The following RBFOX1 variants were observed in gnomAD, a reference collection of about 807,000 sequenced individuals.
RBFOX1 encodes the protein RNA binding fox-1 homolog 1.
A neutral mutation model predicts 57.7 loss-of-function variants in RBFOX1; 8 were observed. The ratio of observed to expected loss-of-function variants is 0.14; its 90% CI spans 0.08 to 0.25. The LOEUF (loss-of-function observed/expected upper bound fraction) is 0.25. Ranked by LOEUF, RBFOX1 falls within the 10% of genes least tolerant of loss-of-function variation. The probability of loss-of-function intolerance (pLI) is 1.00; values close to 1 mark genes in which losing one functional copy is unlikely to be tolerated. For missense variants in RBFOX1, 611 were observed against 548.5 expected (o/e 1.11, Z -1.14); for synonymous variants, 326 against 222.4 (o/e 1.47, Z -4.15).
At chr16:6,376,663 T>C (rs1218177559) in intron 2 of RBFOX1, among the ~76,000 whole-genome samples, 1 of 152,154 alleles carries the variant, frequency 6.6e-6, no homozygotes, top group Admixed American at 6.6e-5. Context: ...AGGGCCCAAC[T>C]AATGGTTTCA....
intron 1 of RBFOX1, among the ~76,000 whole-genome samples, chr16:6,310,600 G>T (rs1296475254): frequency 6.6e-6 from 1 of 152,144 alleles, no homozygotes; most frequent in Non-Finnish European, 1.5e-5. Context: ...CAAGCAGCTT[G>T]CCCAGAACTA....
At chr16:6,918,383 T>C (rs2073728302) in intron 3 of RBFOX1, among the ~76,000 whole-genome samples, 1 of 152,042 alleles carries the variant, frequency 6.6e-6, no homozygotes, top group South Asian at 2.1e-4. Context: ...TTTAACAAGC[T>C]ACCCGGGTGA....
intron 3 of RBFOX1, among the ~76,000 whole-genome samples, chr16:5,620,385 T>A (rs942355261): frequency 3.9e-5 from 6 of 152,216 alleles, no homozygotes; most frequent in African/African-American, 1.4e-4. Flanking sequence ...TGAGGTTGGC[T>A]GAGTACTTTC....
chr16:5,532,998 C>A (rs969241307), intron 2 of RBFOX1, among the ~76,000 whole-genome samples: 4 of 152,076 alleles, frequency 2.6e-5, no homozygotes, highest in Admixed American at 2.6e-4. Flanking sequence ...ATAAATTATA[C>A]CCTCCTAATT....
intron 4 of RBFOX1, among the ~76,000 whole-genome samples, chr16:5,905,279 C>T (rs868500380): frequency 6.6e-4 from 100 of 151,748 alleles, no homozygotes; most frequent in African/African-American, 2.3e-3. Flanking sequence ...TCTAGAACTC[C>T]GGACCTCAGG....
At chr16:5,729,231 G>A (rs1012789478) in intron 3 of RBFOX1, among the ~76,000 whole-genome samples, 10 of 152,170 alleles carry the variant, frequency 6.6e-5, no homozygotes, top group African/African-American at 2.2e-4. Context: ...TCAGATAGGG[G>A]TATGAACATG....
At chr16:6,968,217 GC>G (rs1336154390) in intron 3 of RBFOX1, among the ~76,000 whole-genome samples, 1 of 152,202 alleles carries the variant, frequency 6.6e-6, no homozygotes, top group Non-Finnish European at 1.5e-5. Context: ...TGACTGACAG[GC>G]TTTTCTCTGG....
At chr16:7,036,205 T>TC (rs951380875) in intron 3 of RBFOX1, among the ~76,000 whole-genome samples, 2 of 151,498 alleles carry the variant, frequency 1.3e-5, no homozygotes, top group Non-Finnish European at 2.9e-5. Context: ...CCTTGACATT[T>TC]TTTTTTTTTT....
chr16:6,240,178 C>T (rs1345432417), intron 1 of RBFOX1, among the ~76,000 whole-genome samples: 1 of 152,192 alleles, frequency 6.6e-6, no homozygotes, highest in Non-Finnish European at 1.5e-5. Flanking sequence ...AGAAGCCAAA[C>T]AGATGAGAGT....
intron 1 of RBFOX1, among the ~76,000 whole-genome samples, chr16:6,256,203 GTATATGTGTATATA>G (rs1567788171): frequency 0.084 from 3,457 of 41,232 alleles, 284 homozygotes; most frequent in African/African-American, 0.19. Flanking sequence ...ATATGTATAT[GTATATGTGTATATA>G]TATGTATATA....
intron 4 of RBFOX1, among the ~76,000 whole-genome samples, chr16:7,111,909 T>G (rs2064855982): frequency 6.6e-6 from 1 of 152,172 alleles, no homozygotes; most frequent in Non-Finnish European, 1.5e-5. Context: ...TTTAGCATGT[T>G]CTTCAAGTGG....
intron 1 of RBFOX1, among the ~76,000 whole-genome samples, chr16:5,437,902 C>T (rs2067965719): frequency 6.6e-6 from 1 of 152,046 alleles, no homozygotes. Context: ...TGTTGATTGG[C>T]TGTTGAAGAT....
chr16:6,390,434 A>C (rs982091021), intron 2 of RBFOX1, among the ~76,000 whole-genome samples: 3 of 152,146 alleles, frequency 2.0e-5, no homozygotes, highest in Non-Finnish European at 2.9e-5. Context: ...AATTTTTTAA[A>C]AAATGTTTTG....
chr16:6,941,810 A>G (rs1465597360), intron 3 of RBFOX1, among the ~76,000 whole-genome samples: 1 of 152,076 alleles, frequency 6.6e-6, no homozygotes, highest in Non-Finnish European at 1.5e-5. Flanking sequence ...GGACCTAACA[A>G]ATAAGAATGA....
At chr16:5,512,536 C>A (rs1348088690) in intron 2 of RBFOX1, among the ~76,000 whole-genome samples, 2 of 152,108 alleles carry the variant, frequency 1.3e-5, no homozygotes, top group African/African-American at 4.8e-5. Flanking sequence ...ATTAGAATCC[C>A]AGCTTTGTCA....
chr16:6,519,253 C>G (rs1417366243), intron 2 of RBFOX1, among the ~76,000 whole-genome samples: 1 of 152,096 alleles, frequency 6.6e-6, no homozygotes, highest in African/African-American at 2.4e-5. Context: ...TGGGAGTGCT[C>G]TGTGCACCAG....
intron 2 of RBFOX1, among the ~76,000 whole-genome samples, chr16:6,573,227 A>G (rs1417222175): frequency 6.6e-6 from 1 of 152,160 alleles, no homozygotes; most frequent in Non-Finnish European, 1.5e-5. Context: ...TAAATCAGCC[A>G]TCAGACGTGG....
intron 4 of RBFOX1, among the ~76,000 whole-genome samples, chr16:7,435,186 T>C (rs959318409): frequency 6.6e-6 from 1 of 152,140 alleles, no homozygotes; most frequent in African/African-American, 2.4e-5. Context: ...CATGTCTTCT[T>C]CTCCCCTTCT....
At chr16:7,626,368 C>A (rs376857966) in intron 10 of RBFOX1, among the ~76,000 whole-genome samples, 19 of 152,310 alleles carry the variant, frequency 1.2e-4, no homozygotes, top group African/African-American at 3.6e-4. Context: ...CCATCTGAGA[C>A]CTTGGCACTG....
Sources: gnomAD v4.1 joint callset for allele counts (sites outside exome capture counted in the v4.1 genomes callset) on GRCh38, gnomAD v4.1.1 for gene constraint, MANE v1.5 for transcripts, NCBI Gene and HGNC (gene_info 2026-07-23, HGNC 2026-07-21) for gene names.